Variants in MYLIP observed in about 807,000 individuals in gnomAD.
The protein encoded by MYLIP is E3 ubiquitin-protein ligase MYLIP.
In MYLIP, 26 loss-of-function variants were observed where a neutral mutation model predicts 45.8. That is an observed-to-expected ratio of 0.57 (90% CI 0.42 to 0.79). The LOEUF (loss-of-function observed/expected upper bound fraction) is 0.79, where lower values mean the gene tolerates loss of function less well. Among genes scored for constraint, MYLIP ranks in the 30% least tolerant of loss-of-function variants. The pLI is 0.00. For synonymous variants in MYLIP, 213 were observed against 218.1 expected (o/e 0.98, Z 0.21); for missense variants, 494 against 555.6 (o/e 0.89, Z 1.11).
rs937701181 is a variant in MYLIP, at chr6:16,146,731, C to T, written c.1318C>T (p.Leu440Phe). The change falls in exon 7 of 7, where the codon CTC becomes TTC. Residue 440 changes from leucine (L) to phenylalanine (F), a missense_variant. Physicochemically the swap from Leu to Phe is conservative, Grantham distance 22 (BLOSUM62 0). Transcript: ENST00000356840. ...CTATCTGCCAACGCACACCAGTCTT[C>T]TCAATCTGACTGTAATCTAATCTGT... ...HVYLPTHTSL[L>F]NLTVI 1.9e-6 allele frequency: 3 copies of T among 1,610,336 alleles called. No individual in the cohort carries two copies. The Admixed American group carries it at 5.0e-5, about 27-fold the overall frequency.
In MYLIP at chr6:16,145,945, TTTTA is replaced by T. The variant is rs1228345871; in HGVS notation, c.1248+632_1248+635del. ...CCTCTTACAAGTTTTTTCAATTTGT[TTTTA>T]TTTCTCAGATGTGTTTGCCAAATGT... On this transcript the variant is annotated intron_variant, in intron 6 of 6. Transcript: ENST00000356840. 2.6e-5 allele frequency among the ~76,000 whole-genome samples: 4 copies of T among 152,318 alleles called. No individual in the cohort carries two copies. In the East Asian group the frequency reaches 7.7e-4, roughly 29 times the overall value.
chr6:16,129,388 C>A lies in MYLIP; in HGVS notation c.66C>A (p.Asn22Lys), dbSNP rs1178229947. ...LMEVEVEAKANGEDCLNQVCR... is the reference protein window; with the variant it reads ...LMEVEVEAKAKGEDCLNQVCR... ...AGGTGGAGGTGGAGGCGAAAGCCAA[C>A]GGCGAGGACTGCCTCAACCAGGTGA... The change falls in exon 1 of 7, where the codon AAC becomes AAA. Residue 22 changes from asparagine (N) to lysine (K), a missense_variant. Asn to Lys is a moderately conservative substitution (Grantham distance 94). Transcript: ENST00000356840. This position sits in a 1 kb window ranked among gnomAD's most constrained non-coding sequence, Gnocchi z 5.1. 2 of 1,592,148 alleles carry A rather than the reference C, an allele frequency of 1.3e-6. No individual in the cohort carries two copies. The highest frequency in any genetic ancestry group is 1.7e-6 in the Non-Finnish European group (2 of 1,169,674).
In MYLIP at chr6:16,146,999, A is replaced by ATT. The variant is rs142596337; in HGVS notation, c.*255_*256dup. 5.6e-6 allele frequency: 2 copies of ATT among 354,398 alleles called. No individual in the cohort carries two copies. Among genetic ancestry groups the ATT allele is most frequent in the African/African-American group, 4.1e-5 (2 of 48,932 alleles). The allele number at this position is 354,398 out of a possible 1,614,324, so 22.0% of individuals were successfully genotyped here. A position where few individuals can be genotyped will look rare whatever the true frequency, so the allele number is the denominator to read the frequency against. ...ACGCAGACACATTCCTTGGATGTTG[A>ATT]TTTTTTTTATGATCTAGTAAAGGAA... is the stretch of plus-strand genomic sequence containing the variant. On this transcript the variant is annotated 3_prime_UTR_variant, in exon 7 of 7. Coordinates refer to ENST00000356840, the MANE Select transcript of MYLIP (RefSeq NM_013262.4).
chr6:16,136,796 A>G (rs1759566202), intron 2 of MYLIP, among the ~76,000 whole-genome samples: 1 of 152,320 alleles, frequency 6.6e-6, no homozygotes, highest in South Asian at 2.1e-4. Context: ...CATTTCTCTG[A>G]CAATTCATAT....
At chr6:16,146,039 G>T (rs907492917) in intron 6 of MYLIP, among the ~76,000 whole-genome samples, 2 of 152,202 alleles carry the variant, frequency 1.3e-5, no homozygotes, top group African/African-American at 4.8e-5. Flanking sequence ...GCTAATTTCA[G>T]AGCTAATAAG....
intron 4 of MYLIP, among the ~76,000 whole-genome samples, 174 bp from the exon 5 acceptor site, chr6:16,143,525 A>G (rs1225265419): frequency 6.6e-6 from 1 of 152,196 alleles, no homozygotes; most frequent in Non-Finnish European, 1.5e-5. Context: ...CATATGCCCA[A>G]CTGCTTTTCA....
chr6:16,144,734 C>T (rs527284107), intron 5 of MYLIP, among the ~76,000 whole-genome samples, 163 bp from the exon 6 acceptor site: 99 of 152,286 alleles, frequency 6.5e-4, no homozygotes, highest in African/African-American at 2.3e-3. Context: ...GAGGTGTAAT[C>T]ACTGAGAATA....
chr6:16,146,121 T>G (rs1372418420), intron 6 of MYLIP, among the ~76,000 whole-genome samples: 1 of 152,224 alleles, frequency 6.6e-6, no homozygotes, highest in Non-Finnish European at 1.5e-5. Flanking sequence ...CTATTCTGAC[T>G]CTCATCCCTA....
intron 4 of MYLIP, among the ~76,000 whole-genome samples, chr6:16,143,470 C>T (rs895537989): frequency 6.6e-6 from 1 of 152,220 alleles, no homozygotes; most frequent in Non-Finnish European, 1.5e-5. Context: ...CAGCTCTAGA[C>T]ATGCATGTGC....
chr6:16,138,523 C>T (rs917350475), intron 2 of MYLIP, among the ~76,000 whole-genome samples: 1 of 152,186 alleles, frequency 6.6e-6, no homozygotes, highest in Non-Finnish European at 1.5e-5. Flanking sequence ...ATCTTTGCTA[C>T]TAGTACTCTG....
downstream of MYLIP, among the ~76,000 whole-genome samples, chr6:16,152,278 A>C (rs948502712): frequency 6.6e-6 from 1 of 152,248 alleles, no homozygotes. Flanking sequence ...TTGGCCTTTT[A>C]TTCCTTAACT....
At chr6:16,161,410 C>G in the MYLIP span, 1 of 195,664 alleles carries the variant, frequency 5.1e-6, no homozygotes, top group Non-Finnish European at 1.1e-5. Context: ...AACCTCAGAC[C>G]AAGTACTTAC....
In MYLIP at chr6:16,145,260, C is replaced by T. The variant is rs764154236; in HGVS notation, c.1191C>T (p.Ser397=). Residue 397 remains serine (S), a synonymous_variant, in exon 6 of 7, where the codon TCC becomes TCT. Transcript: ENST00000356840. ...TGTGCTGCGAGGAGGAGATCAACTC[C>T]ACCTTCTGTCCCTGTGGCCACACTG... is the stretch of plus-strand genomic sequence containing the variant. ...CMVCCEEEIN[S]TFCPCGHTVC... 1.2e-6 allele frequency: 2 copies of T among 1,611,834 alleles called. No individual in the cohort carries two copies. Among genetic ancestry groups the T allele is most frequent in the South Asian group, 2.2e-5 (2 of 90,974 alleles).
rs963541200 is a variant in MYLIP at position 16,129,623 on chromosome 6, C to A, written c.87+214C>A. The stretch of plus-strand genomic sequence containing the variant: ...CGCGGAGAAAGCGCGCAGCGGGGGT[C>A]CCCAGCGCTGAGGGCCGGGCGCAGC... On this transcript the variant is annotated intron_variant, in intron 1 of 6. Transcript: ENST00000356840. The surrounding 1 kb of genome is among the most constrained non-coding windows in gnomAD (Gnocchi z 5.1). Among the ~76,000 whole-genome samples the A allele has an allele frequency of 4.6e-5, 7 of 152,154 alleles. No individual in the cohort carries two copies. The highest frequency in any genetic ancestry group is 8.8e-5 in the Non-Finnish European group (6 of 68,000).
chr6:16,131,762 A>G (rs2113510187), intron 2 of MYLIP, among the ~76,000 whole-genome samples: 1 of 152,326 alleles, frequency 6.6e-6, no homozygotes, highest in East Asian at 1.9e-4. Context: ...TTGTTTTACC[A>G]AAGGACTGAT....
chr6:16,143,308 A>T, intron 4 of MYLIP, 91 bp downstream of exon 4: 1 of 1,272,356 alleles, frequency 7.9e-7, no homozygotes, highest in Non-Finnish European at 1.1e-6. Flanking sequence ...TTTACTCGAC[A>T]GTCAGCTCTT....
At chr6:16,155,916 G>A in the MYLIP span, among the ~76,000 whole-genome samples, 1 of 151,208 alleles carries the variant, frequency 6.6e-6, no homozygotes, top group Non-Finnish European at 1.5e-5. Flanking sequence ...TTTCTTTTCT[G>A]CACCTGTGGC....
rs890813514 is a variant in MYLIP, at chr6:16,129,720, C to A, written c.87+311C>A. On this transcript the variant is annotated intron_variant, in intron 1 of 6. Coordinates refer to ENST00000356840, the MANE Select transcript of MYLIP (RefSeq NM_013262.4). This position sits in a 1 kb window ranked among gnomAD's most constrained non-coding sequence, Gnocchi z 5.1. The stretch of plus-strand genomic sequence containing the variant: ...AGCACTTTCCCGGAAGAAGGCGGCT[C>A]CGCACACCTGCCGCAGGTATGTGCG... Among the ~76,000 whole-genome samples the A allele has an allele frequency of 2.0e-5, 3 of 152,198 alleles. No individual in the cohort carries two copies. The highest frequency in any genetic ancestry group is 7.2e-5 in the African/African-American group (3 of 41,460).
In MYLIP at chr6:16,135,763, A is replaced by C. The variant is rs564111147; in HGVS notation, c.278+5016A>C. Among the ~76,000 whole-genome samples the C allele has an allele frequency of 1.1e-3, 166 of 145,390 alleles. 1 individual carries two copies. The highest frequency in any genetic ancestry group is 3.9e-3 in the African/African-American group (154 of 39,718). On this transcript the variant is annotated intron_variant, in intron 2 of 6. Coordinates refer to ENST00000356840, the MANE Select transcript of MYLIP (RefSeq NM_013262.4). Reference sequence around the variant, plus strand: ...TGTGTGTATACATATATCTATATATATATATATATATATATGTATGCTATA... The same window carrying C: ...TGTGTGTATACATATATCTATATATCTATATATATATATATGTATGCTATA...
Sources: allele counts gnomAD v4.1 joint callset (sites outside exome capture counted in the v4.1 genomes callset), GRCh38; gene constraint gnomAD v4.1.1; non-coding constraint Gnocchi (gnomAD v3.1); transcripts MANE v1.5; gene names NCBI Gene and HGNC (gene_info 2026-07-23, HGNC 2026-07-21).